SEC16A: variants seen among roughly 807,000 people sequenced by gnomAD.
SEC16A encodes SEC16 homolog A, endoplasmic reticulum export factor, also known as protein transport protein Sec16A.
A neutral mutation model predicts 221.9 loss-of-function variants in SEC16A; 110 were observed. That is an observed-to-expected ratio of 0.50 (90% CI 0.42 to 0.58). The LOEUF (loss-of-function observed/expected upper bound fraction) is 0.58. Ranked by LOEUF, SEC16A falls within the 20% of genes least tolerant of loss-of-function variation. The pLI, the probability that SEC16A is intolerant of heterozygous loss-of-function variation, is 0.00. For missense variants in SEC16A, 3,165 were observed against 3,097.8 expected (o/e 1.02, Z -0.52); for synonymous variants, 1,393 against 1,257.7 (o/e 1.11, Z -2.28).
Position 136,466,275 on chromosome 9 carries a change from G to A in SEC16A, c.4117C>T (p.His1373Tyr). Reference protein sequence around the residue: ...LASRRSSLSSHSHQSQIYRSH... With the variant: ...LASRRSSLSSYSHQSQIYRSH... ...GCGCCGCCGCGTACCTGGTGCGAGT[G>A]GGAGCTGAGGCTGCTGCGGCGGCTG... The change falls in exon 7 of 32, where the codon CAC becomes TAC. Residue 1373 changes from histidine to tyrosine, a missense_variant. By Grantham distance (83) the His-to-Tyr change is moderately conservative (BLOSUM62 2). Around this residue, in one of 3 missense-constraint regions of SEC16A, gnomAD observed 2,030 missense variants for 1,923.1 expected, o/e 1.06. Transcript: ENST00000684901. The surrounding 1 kb of genome is among the most constrained non-coding windows in gnomAD (Gnocchi z 5.5). 4 of 1,580,056 alleles carry A rather than the reference G, an allele frequency of 2.5e-6. No individual in the cohort carries two copies. Among genetic ancestry groups the A allele is most frequent in the Non-Finnish European group, 3.4e-6 (4 of 1,162,634 alleles).
chr9:136,451,108 A>C, intron 23 of SEC16A, 148 bp downstream of exon 23: 1 of 793,504 alleles, frequency 1.3e-6, no homozygotes. Flanking sequence ...ACAGACACCC[A>C]TCATGCCGTG....
Position 136,446,867 on chromosome 9 carries a change from G to A in SEC16A, c.6780C>T (p.Ala2260=). 1.9e-6 allele frequency: 3 copies of A among 1,606,974 alleles called. No individual in the cohort carries two copies. Among genetic ancestry groups the A allele is most frequent in the Non-Finnish European group, 2.5e-6 (3 of 1,177,526 alleles). ...AARGLANPEP[A]PEPKVLSSAA... Reference sequence around the variant, plus strand: ...CGTACCCGCTCACCTTGGGCTCTGGGGCAGGCTCTGGATTGGCCAGGCCCC... The same window carrying A: ...CGTACCCGCTCACCTTGGGCTCTGGAGCAGGCTCTGGATTGGCCAGGCCCC... The change falls in exon 28 of 32, where the codon GCC becomes GCT. Residue 2260 remains alanine (A), a synonymous_variant. Coordinates refer to ENST00000684901, the MANE Select transcript of SEC16A (RefSeq NM_014866.2).
rs1368221625 is a variant in SEC16A at position 136,447,282 on chromosome 9, A to C, written c.6642T>G (p.Phe2214Leu). 6.3e-6 allele frequency: 10 copies of C among 1,598,940 alleles called. No homozygotes were observed. Among genetic ancestry groups the C allele is most frequent in the Non-Finnish European group, 8.5e-6 (10 of 1,173,312 alleles). ...TTGGGAGTGGCGCGAGTGGAGCGAC[A>C]AAGTCCGCAGGAGCGAGAGCCGGCT... ...RSEPALAPADFVAPLAPLPIP... is the reference protein window; with the variant it reads ...RSEPALAPADLVAPLAPLPIP... The change falls in exon 27 of 32, where the codon TTT (phenylalanine) becomes TTG (leucine). Residue 2214 changes from phenylalanine to leucine, a missense_variant. Physicochemically the swap from Phe to Leu is conservative, Grantham distance 22. Coordinates refer to ENST00000684901, the MANE Select transcript of SEC16A (RefSeq NM_014866.2). This position sits in a 1 kb window ranked among gnomAD's most constrained non-coding sequence, Gnocchi z 5.5.
chr9:136,453,018 C>A (rs186096385), intron 22 of SEC16A, among the ~76,000 whole-genome samples: 1 of 145,208 alleles, frequency 6.9e-6, no homozygotes, highest in African/African-American at 2.5e-5. Flanking sequence ...TGCAGTGAGC[C>A]GAGATCGCAC....
chr9:136,442,020 C>T (rs1836256931), intron 31 of SEC16A, among the ~76,000 whole-genome samples, 197 bp from the exon 32 acceptor site: 1 of 152,228 alleles, frequency 6.6e-6, no homozygotes, highest in Non-Finnish European at 1.5e-5. Context: ...CCCTTGAAAG[C>T]ACTGTATCCT....
intron 9 of SEC16A, 132 bp downstream of exon 9, chr9:136,464,288 T>A: frequency 1.1e-6 from 1 of 871,668 alleles, no homozygotes; most frequent in East Asian, 2.7e-5. Flanking sequence ...AATTGAAAAT[T>A]CACAGGAATA....
chr9:136,444,123 C>T (rs578247311), intron 30 of SEC16A: 31 of 429,358 alleles, frequency 7.2e-5, no homozygotes, highest in African/African-American at 4.6e-4. Flanking sequence ...TTTTAAGCAC[C>T]GGAACATGCA....
rs1439721266 is a variant in SEC16A at position 136,463,438 on chromosome 9, A to G, written c.4647+25T>C. 4 of 1,605,198 alleles carry G rather than the reference A, an allele frequency of 2.5e-6. No individual in the cohort carries two copies. In the South Asian group the frequency reaches 4.4e-5, roughly 18 times the overall value. On this transcript the variant is annotated intron_variant, in intron 11 of 31. Coordinates refer to ENST00000684901, the MANE Select transcript of SEC16A (RefSeq NM_014866.2). ...GAAATGAAGACCAGCAAGAAGAAACACTCTAGAAGTAGAAAGAAACATACC... is the reference window on the plus strand; with the variant it reads ...GAAATGAAGACCAGCAAGAAGAAACGCTCTAGAAGTAGAAAGAAACATACC...
At chr9:136,443,413 G>A (rs1006172868) in intron 31 of SEC16A, among the ~76,000 whole-genome samples, 1 of 152,206 alleles carries the variant, frequency 6.6e-6, no homozygotes, top group African/African-American at 2.4e-5. Flanking sequence ...AGCTGGGCAC[G>A]GTGGCTCAAG....
rs1337176488 is a variant in SEC16A, at chr9:136,461,162, A to G, written c.4991+15T>C. 1 of 1,585,288 alleles carries G rather than the reference A, an allele frequency of 6.3e-7. No individual in the cohort carries two copies. Among genetic ancestry groups the G allele is most frequent in the Non-Finnish European group, 8.6e-7 (1 of 1,162,986 alleles). ...GCAGGGCTCGCCACTGGACCAGGCCACTGTGGGACTGTACCTGGTCATGAC... is the reference window on the plus strand; with the variant it reads ...GCAGGGCTCGCCACTGGACCAGGCCGCTGTGGGACTGTACCTGGTCATGAC... On this transcript the variant is annotated intron_variant, in intron 13 of 31. Transcript: ENST00000684901.
rs2131856241 is a variant in SEC16A, at chr9:136,447,522, G to A, written c.6559+47C>T. On this transcript the variant is annotated intron_variant, in intron 26 of 31. Coordinates refer to ENST00000684901, the MANE Select transcript of SEC16A (RefSeq NM_014866.2). This position sits in a 1 kb window ranked among gnomAD's most constrained non-coding sequence, Gnocchi z 5.5. The stretch of plus-strand genomic sequence containing the variant: ...AGCTACACATTGGCCTCTCTCTCTG[G>A]GACAGTTAATCGTTCAAGCAAGCTC... 2 of 1,558,180 alleles carry A rather than the reference G, an allele frequency of 1.3e-6. No individual in the cohort carries two copies. Among genetic ancestry groups the A allele is most frequent in the East Asian group, 2.3e-5 (1 of 44,374 alleles).
At chr9:136,451,202 C>T in intron 23 of SEC16A, 54 bp downstream of exon 23, 1 of 1,563,830 alleles carries the variant, frequency 6.4e-7, no homozygotes. Flanking sequence ...GGGAAGCGTG[C>T]CTCCTGCCCA....
chr9:136,452,068 AC>A (rs1292391188), intron 22 of SEC16A, among the ~76,000 whole-genome samples: 1 of 152,170 alleles, frequency 6.6e-6, no homozygotes, highest in African/African-American at 2.4e-5. Flanking sequence ...TTTCAGGAAA[AC>A]CAGTGACAAT....
In SEC16A at chr9:136,453,516, A is replaced by G. The variant is rs370249343; in HGVS notation, c.6077-6T>C. ...CGCCTCCTGCGGCACTATCCCTGTCAACGGGAAAGAGAGCAACTATGATCT... is the reference window on the plus strand; with the variant it reads ...CGCCTCCTGCGGCACTATCCCTGTCGACGGGAAAGAGAGCAACTATGATCT... On this transcript the variant is annotated splice_polypyrimidine_tract_variant and splice_region_variant and intron_variant, in intron 21 of 31. Transcript: ENST00000684901. 9.3e-6 allele frequency: 15 copies of G among 1,610,070 alleles called. No individual in the cohort carries two copies. The highest frequency in any genetic ancestry group is 1.3e-5 in the Non-Finnish European group (15 of 1,176,690).
At position 136,447,935 on chromosome 9, in the gene SEC16A, G is replaced by T. The variant is rs949414652; in HGVS notation, c.6391-26C>A. 1.3e-6 allele frequency: 2 copies of T among 1,593,596 alleles called. No individual in the cohort carries two copies. The highest frequency in any genetic ancestry group is 2.7e-5 in the African/African-American group (2 of 74,520). ...CTGCCAAGATTTTAAAAAGAAAAAA[G>T]GTCAGCAGACTGAACCTAAACAGAA... On this transcript the variant is annotated intron_variant, in intron 24 of 31. Transcript: ENST00000684901. The surrounding 1 kb of genome is among the most constrained non-coding windows in gnomAD (Gnocchi z 5.5).
chr9:136,476,271 G>C lies in SEC16A; in HGVS notation c.1345C>G (p.Pro449Ala). The C allele has an allele frequency of 6.2e-7, 1 of 1,613,236 alleles. No individual in the cohort carries two copies. Among genetic ancestry groups the C allele is most frequent in the Non-Finnish European group, 8.5e-7 (1 of 1,179,878 alleles). Reference protein sequence around the residue: ...VWGDTASTGVPDASGSQYENV... With the variant: ...VWGDTASTGVADASGSQYENV... ...TCATACTGCGAGCCGCTGGCATCCG[G>C]CACCCCTGTGCTCGCTGTGTCACCC... Residue 449 changes from proline to alanine, a missense_variant, in exon 3 of 32, where the codon CCG becomes GCG. Pro to Ala is a conservative substitution (Grantham distance 27, BLOSUM62 -1). Transcript: ENST00000684901.
At position 136,477,169 on chromosome 9, in the gene SEC16A, C is replaced by T. The variant is rs781636539; in HGVS notation, c.447G>A (p.Glu149=). 124 of 1,613,866 alleles carry T rather than the reference C, an allele frequency of 7.7e-5. No individual in the cohort carries two copies. In the African/African-American group the frequency reaches 1.5e-3, roughly 19 times the overall value. ...GATATGGCAGAGTCTGAACTTCAGG[C>T]TCTGAACTGGGACCGACCTCTGCAC... ...NRSAEVGPSS[E]PEVQTLPYLP... is the part of the protein sequence containing the mutation. The change falls in exon 3 of 32, where the codon GAG becomes GAA. Residue 149 remains glutamate, a synonymous_variant. Transcript: ENST00000684901.
At chr9:136,455,891 G>A in intron 19 of SEC16A, 98 bp from the exon 20 acceptor site, 1 of 1,310,388 alleles carries the variant, frequency 7.6e-7, no homozygotes, top group Non-Finnish European at 1.0e-6. Context: ...CCTACTTCAG[G>A]ACAGGAGGCA....
chr9:136,475,423 C>G lies in SEC16A; in HGVS notation c.2193G>C (p.Leu731=), dbSNP rs1841489645. ...GAAGGACGTTGCCTCCAAAATCTGGCAGCTCACTTTGCGCCCACAGAGTCG... is the reference window on the plus strand; with the variant it reads ...GAAGGACGTTGCCTCCAAAATCTGGGAGCTCACTTTGCGCCCACAGAGTCG... ...PATTLWAQSE[L]PDFGGNVLLA... Residue 731 remains leucine, a synonymous_variant, in exon 3 of 32, where the codon CTG becomes CTC. Transcript: ENST00000684901. This position sits in a 1 kb window ranked among gnomAD's most constrained non-coding sequence, Gnocchi z 5.0. 6.2e-7 allele frequency: 1 copy of G among 1,610,780 alleles called. No homozygotes were observed. Among genetic ancestry groups the G allele is most frequent in the African/African-American group, 1.3e-5 (1 of 74,978 alleles).
Sources: gnomAD v4.1 joint callset for allele counts (sites outside exome capture counted in the v4.1 genomes callset) on GRCh38, gnomAD v4.1.1 for gene constraint, gnomAD v4.1.1 regional missense constraint, Gnocchi (gnomAD v3.1) non-coding constraint, MANE v1.5 for transcripts, NCBI Gene and HGNC (gene_info 2026-07-23, HGNC 2026-07-21) for gene names.